The following PSD3 variants were observed in gnomAD, a reference collection of about 807,000 sequenced individuals.
The protein encoded by PSD3 is PH and SEC7 domain-containing protein 3.
PSD3 carries 49 observed loss-of-function variants against 105.5 expected under a neutral mutation model. That is an observed-to-expected ratio of 0.46 (90% CI 0.37 to 0.59). The LOEUF (loss-of-function observed/expected upper bound fraction) is 0.59. Among genes scored for constraint, PSD3 ranks in the 20% least tolerant of loss-of-function variants. The probability of loss-of-function intolerance (pLI) is 0.00; values close to 1 mark genes in which losing one functional copy is unlikely to be tolerated. For missense variants in PSD3, 1,561 were observed against 1,263.8 expected (o/e 1.24, Z -3.57); for synonymous variants, 557 against 457.8 (o/e 1.22, Z -2.77).
chr8:18,984,494 T>TA (rs1392045550), intron 1 of PSD3, among the ~76,000 whole-genome samples: 25 of 152,134 alleles, frequency 1.6e-4, no homozygotes, highest in Non-Finnish European at 2.8e-4. Flanking sequence ...ACATTAAAAA[T>TA]ACCAAAAAAA....
intron 9 of PSD3, among the ~76,000 whole-genome samples, chr8:18,713,062 A>C (rs1160345122): frequency 6.6e-6 from 1 of 152,226 alleles, no homozygotes; most frequent in Admixed American, 6.5e-5. Context: ...GATACCAAAA[A>C]GACCTTTGAT....
At chr8:18,565,947 A>T (rs1183676393) in intron 14 of PSD3, among the ~76,000 whole-genome samples, 1 of 152,066 alleles carries the variant, frequency 6.6e-6, no homozygotes, top group East Asian at 1.9e-4. Context: ...GGCCCTCACG[A>T]CAAAGAATTA....
chr8:19,049,345 G>A (rs1378221265), intron 1 of PSD3, among the ~76,000 whole-genome samples: 1 of 152,128 alleles, frequency 6.6e-6, no homozygotes, highest in African/African-American at 2.4e-5. Flanking sequence ...CCATATGTTT[G>A]AATGAGCTCC....
At chr8:18,599,363 A>G (rs1186914530) in intron 12 of PSD3, among the ~76,000 whole-genome samples, 1 of 152,192 alleles carries the variant, frequency 6.6e-6, no homozygotes, top group African/African-American at 2.4e-5. Context: ...CTGAAAACAG[A>G]ACCATATGAC....
At chr8:19,064,632 T>C (rs778026387) in intron 1 of PSD3, among the ~76,000 whole-genome samples, 12 of 152,142 alleles carry the variant, frequency 7.9e-5, no homozygotes, top group Non-Finnish European at 1.5e-4. Flanking sequence ...AGGTCCCCCC[T>C]AGCAAAAAAT....
chr8:18,657,642 C>G (rs972544528), intron 9 of PSD3, among the ~76,000 whole-genome samples: 7 of 150,632 alleles, frequency 4.6e-5, no homozygotes, highest in Non-Finnish European at 1.0e-4. Context: ...GGCTGAACAC[C>G]TATGGAAGTG....
At chr8:18,631,363 C>G (rs1563400154) in intron 11 of PSD3, among the ~76,000 whole-genome samples, 1 of 151,884 alleles carries the variant, frequency 6.6e-6, no homozygotes, top group Non-Finnish European at 1.5e-5. Context: ...ATATTCCATC[C>G]TCTCAGTGAT....
intron 1 of PSD3, among the ~76,000 whole-genome samples, chr8:18,938,627 CA>C (rs35017140): frequency 0.56 from 61,422 of 110,304 alleles, 14,721 homozygotes; most frequent in East Asian, 0.76. Flanking sequence ...CCGTCTCAAA[CA>C]AAAAAAAAAA....
chr8:18,650,494 C>T (rs1350851605), intron 10 of PSD3, among the ~76,000 whole-genome samples: 1 of 152,202 alleles, frequency 6.6e-6, no homozygotes, highest in East Asian at 1.9e-4. Context: ...GGTCATGGTC[C>T]TATATGACGT....
At chr8:18,727,064 G>A (rs979587948) in intron 9 of PSD3, among the ~76,000 whole-genome samples, 7 of 151,982 alleles carry the variant, frequency 4.6e-5, no homozygotes, top group East Asian at 1.9e-4. Context: ...CAGGCCAGGC[G>A]CAGTGGCTCA....
chr8:18,553,741 T>A (rs1027997171), intron 15 of PSD3, among the ~76,000 whole-genome samples: 2 of 152,142 alleles, frequency 1.3e-5, no homozygotes, highest in African/African-American at 4.8e-5. Flanking sequence ...AAAACAATTG[T>A]TCACTTCTTA....
At chr8:18,964,175 A>G (rs139847964) in intron 1 of PSD3, among the ~76,000 whole-genome samples, 181 of 152,290 alleles carry the variant, frequency 1.2e-3, no homozygotes, top group African/African-American at 4.2e-3. Context: ...CCAAGTCTAG[A>G]GCACAATGGT....
chr8:18,564,610 T>C (rs542669995), intron 14 of PSD3, among the ~76,000 whole-genome samples: 49 of 143,380 alleles, frequency 3.4e-4, no homozygotes, highest in South Asian at 6.6e-4. Context: ...GCCTGGGTGA[T>C]AGAGTGAGAC....
chr8:18,737,307 AT>A (rs1041065743), intron 9 of PSD3, among the ~76,000 whole-genome samples: 1 of 152,120 alleles, frequency 6.6e-6, no homozygotes, highest in Non-Finnish European at 1.5e-5. Context: ...CCCAGGTACT[AT>A]GCTGTGCTAT....
At chr8:18,695,285 C>A (rs112730477) in intron 9 of PSD3, among the ~76,000 whole-genome samples, 2 of 2,826 alleles carry the variant, frequency 7.1e-4, no homozygotes, top group Non-Finnish European at 0.011. Context: ...ACTGCAGACA[C>A]AACAGTCATT....
chr8:18,869,111 C>T (rs1247415799), intron 3 of PSD3, among the ~76,000 whole-genome samples: 1 of 151,612 alleles, frequency 6.6e-6, no homozygotes, highest in African/African-American at 2.4e-5. Context: ...CTTTCCACTG[C>T]ACTTGGCATA....
intron 8 of PSD3, among the ~76,000 whole-genome samples, chr8:18,772,511 T>C (rs1256227628): frequency 1.3e-5 from 2 of 152,180 alleles, no homozygotes; most frequent in African/African-American, 4.8e-5. Context: ...TGAACACTTC[T>C]TTTATTCTTT....
intron 1 of PSD3, among the ~76,000 whole-genome samples, chr8:18,989,586 C>T (rs1367609802): frequency 2.0e-5 from 3 of 152,208 alleles, no homozygotes; most frequent in Admixed American, 6.5e-5. Context: ...AATAAATTAT[C>T]TTGGGCAAAT....
At chr8:18,832,633 C>T (rs1813769586) in intron 4 of PSD3, among the ~76,000 whole-genome samples, 1 of 152,192 alleles carries the variant, frequency 6.6e-6, no homozygotes, top group Non-Finnish European at 1.5e-5. Flanking sequence ...TCCATTCTCA[C>T]AGCGCTAATA....
Sources: gnomAD v4.1 joint callset for allele counts (sites outside exome capture counted in the v4.1 genomes callset) on GRCh38, gnomAD v4.1.1 for gene constraint, MANE v1.5 for transcripts, NCBI Gene and HGNC (gene_info 2026-07-23, HGNC 2026-07-21) for gene names.